ARHGAP24: variants seen among roughly 807,000 people sequenced by gnomAD.
The protein encoded by ARHGAP24 is rho GTPase-activating protein 24.
Under a neutral mutation model 76.4 loss-of-function variants are expected in ARHGAP24, and 50 were observed. That is an observed-to-expected ratio of 0.65 (90% CI 0.52 to 0.83). The LOEUF (loss-of-function observed/expected upper bound fraction) is 0.83. ARHGAP24 is among the 40% of genes least tolerant of loss of function. ARHGAP24 has a pLI of 0.00. For synonymous variants in ARHGAP24, 345 were observed against 323.3 expected, an observed-to-expected ratio of 1.07 and a Z score of -0.72; for missense variants, 930 against 914.2, an observed-to-expected ratio of 1.02 and a Z score of -0.22.
At chr4:85,880,127 C>G (rs1733161775) in intron 3 of ARHGAP24, among the ~76,000 whole-genome samples, 1 of 152,060 alleles carries the variant, frequency 6.6e-6, no homozygotes, top group Admixed American at 6.5e-5. Context: ...AAATTAGGCA[C>G]AGTAGCAGAT....
intron 8 of ARHGAP24, among the ~76,000 whole-genome samples, chr4:85,979,618 G>A (rs371466220): frequency 1.3e-5 from 2 of 152,028 alleles, no homozygotes; most frequent in East Asian, 3.9e-4. Context: ...ATGTCCTCAA[G>A]GTTCATCCAT....
At chr4:85,504,201 A>T (rs911232607) in intron 1 of ARHGAP24, among the ~76,000 whole-genome samples, 1 of 152,144 alleles carries the variant, frequency 6.6e-6, no homozygotes, top group Non-Finnish European at 1.5e-5. Flanking sequence ...CTGTTGATTT[A>T]GGGTGGAGAG....
At chr4:85,673,130 A>C (rs980982597) in intron 2 of ARHGAP24, among the ~76,000 whole-genome samples, 6 of 152,110 alleles carry the variant, frequency 3.9e-5, no homozygotes, top group South Asian at 2.1e-4. Context: ...GCACAAAGAA[A>C]ATGTTCAGTC....
intron 3 of ARHGAP24, among the ~76,000 whole-genome samples, chr4:85,828,516 T>TGTG (rs368925914): frequency 2.9e-5 from 4 of 138,794 alleles, no homozygotes; most frequent in Non-Finnish European, 4.7e-5. Flanking sequence ...TGCGTGTGTG[T>TGTG]TTTTTTTTTT....
intron 2 of ARHGAP24, among the ~76,000 whole-genome samples, chr4:85,589,551 G>C (rs1487623053): frequency 1.3e-5 from 2 of 152,140 alleles, no homozygotes; most frequent in Non-Finnish European, 2.9e-5. Flanking sequence ...ACCATTTTGG[G>C]ACCATGCCTG....
intron 3 of ARHGAP24, among the ~76,000 whole-genome samples, chr4:85,914,479 T>C (rs907084318): frequency 6.6e-6 from 1 of 152,200 alleles, no homozygotes; most frequent in Admixed American, 6.5e-5. Flanking sequence ...TTTGCTGTCA[T>C]CTTAGACGTA....
At chr4:85,926,489 A>G (rs1418074944) in intron 4 of ARHGAP24, among the ~76,000 whole-genome samples, 1 of 152,188 alleles carries the variant, frequency 6.6e-6, no homozygotes, top group Non-Finnish European at 1.5e-5. Context: ...GAATGTTAAT[A>G]CTGATAAGAG....
intron 5 of ARHGAP24, among the ~76,000 whole-genome samples, chr4:85,945,577 C>CA (rs1188357128): frequency 6.6e-5 from 10 of 151,980 alleles, no homozygotes; most frequent in Non-Finnish European, 1.3e-4. Context: ...GCCTGGCCAA[C>CA]ATGCTGAAAC....
At chr4:85,884,683 C>T (rs1733459786) in intron 3 of ARHGAP24, among the ~76,000 whole-genome samples, 1 of 152,106 alleles carries the variant, frequency 6.6e-6, no homozygotes, top group African/African-American at 2.4e-5. Context: ...CGGAAACTAT[C>T]AAGTTGTGGA....
At chr4:85,877,139 T>C (rs893789493) in intron 3 of ARHGAP24, among the ~76,000 whole-genome samples, 3 of 152,222 alleles carry the variant, frequency 2.0e-5, no homozygotes, top group Admixed American at 2.0e-4. Context: ...TGTTACAAAA[T>C]GGGGTAGCTC....
intron 3 of ARHGAP24, among the ~76,000 whole-genome samples, chr4:85,767,198 C>A (rs996139470): frequency 3.9e-5 from 6 of 152,120 alleles, no homozygotes; most frequent in African/African-American, 1.4e-4. Flanking sequence ...CAATGTATGA[C>A]CATAGTTGCA....
intron 1 of ARHGAP24, among the ~76,000 whole-genome samples, chr4:85,510,958 G>T (rs2110105445): frequency 6.6e-6 from 1 of 152,154 alleles, no homozygotes; most frequent in African/African-American, 2.4e-5. Flanking sequence ...AACTTGTCTT[G>T]TTTACCCACC....
chr4:85,676,751 T>C (rs1417225344), intron 2 of ARHGAP24, among the ~76,000 whole-genome samples: 3 of 152,216 alleles, frequency 2.0e-5, no homozygotes, highest in Admixed American at 2.0e-4. Flanking sequence ...TACCCATTCA[T>C]CTTTTCAAAG....
chr4:85,791,231 G>T (rs1279530986), intron 3 of ARHGAP24, among the ~76,000 whole-genome samples: 1 of 152,110 alleles, frequency 6.6e-6, no homozygotes, highest in Non-Finnish European at 1.5e-5. Flanking sequence ...CATCTGCATA[G>T]GCCTTTTATA....
intron 1 of ARHGAP24, among the ~76,000 whole-genome samples, chr4:85,483,541 G>T (rs1008931592): frequency 6.6e-6 from 1 of 152,098 alleles, no homozygotes; most frequent in African/African-American, 2.4e-5. Context: ...GAACCCTGGA[G>T]GCGGAGGTTG....
chr4:85,596,782 C>T (rs1162539718), intron 2 of ARHGAP24, among the ~76,000 whole-genome samples: 1 of 152,032 alleles, frequency 6.6e-6, no homozygotes, highest in Non-Finnish European at 1.5e-5. Context: ...GCTATTACAT[C>T]ATTTGATAAC....
chr4:85,852,757 C>T (rs1318107275), intron 3 of ARHGAP24, among the ~76,000 whole-genome samples: 1 of 152,234 alleles, frequency 6.6e-6, no homozygotes, highest in Non-Finnish European at 1.5e-5. Flanking sequence ...ACTCCAGACA[C>T]TGTTTGCCTG....
At chr4:85,666,901 C>T (rs1186055134) in intron 2 of ARHGAP24, among the ~76,000 whole-genome samples, 1 of 152,140 alleles carries the variant, frequency 6.6e-6, no homozygotes, top group Non-Finnish European at 1.5e-5. Flanking sequence ...GTCAGTCTGC[C>T]CATACTGGGG....
intron 1 of ARHGAP24, among the ~76,000 whole-genome samples, chr4:85,542,173 T>C (rs1476407965): frequency 6.6e-6 from 1 of 152,232 alleles, no homozygotes; most frequent in Non-Finnish European, 1.5e-5. Flanking sequence ...CAATGCTTAA[T>C]TTAATGAATT....
Sources: gnomAD v4.1 joint callset for allele counts (sites outside exome capture counted in the v4.1 genomes callset) on GRCh38, gnomAD v4.1.1 for gene constraint, MANE v1.5 for transcripts, NCBI Gene and HGNC (gene_info 2026-07-23, HGNC 2026-07-21) for gene names.